The following LMBR1 variants were observed in gnomAD, a reference collection of about 807,000 sequenced individuals.
The protein encoded by LMBR1 is limb development membrane protein 1.
A neutral mutation model predicts 73.9 loss-of-function variants in LMBR1; 52 were observed. The observed-to-expected ratio is 0.70, with a 90% confidence interval of 0.56 to 0.89. The LOEUF is 0.89. LMBR1 is among the 40% of genes least tolerant of loss of function. The pLI, the probability that LMBR1 is intolerant of heterozygous loss-of-function variation, is 0.00. For synonymous variants in LMBR1, 215 were observed against 209.4 expected (o/e 1.03, Z -0.23); for missense variants, 539 against 579.8 (o/e 0.93, Z 0.72).
intron 3 of LMBR1, among the ~76,000 whole-genome samples, chr7:156,827,174 A>C (rs982659608): frequency 2.6e-5 from 4 of 152,196 alleles, no homozygotes; most frequent in African/African-American, 9.6e-5. Flanking sequence ...AAAACAAATT[A>C]ATTTAAAATG....
At chr7:156,730,885 G>C (rs1816709481) in intron 10 of LMBR1, among the ~76,000 whole-genome samples, 1 of 151,908 alleles carries the variant, frequency 6.6e-6, no homozygotes, top group Non-Finnish European at 1.5e-5. Flanking sequence ...GCAGTGGACT[G>C]AGATCAGGCC....
At chr7:156,873,963 G>A (rs572416073) in intron 1 of LMBR1, among the ~76,000 whole-genome samples, 1 of 152,388 alleles carries the variant, frequency 6.6e-6, no homozygotes, top group Non-Finnish European at 1.5e-5. Context: ...CCGCACTAGG[G>A]CTGCAGGTGG....
At chr7:156,764,592 T>C (rs1403249074) in intron 5 of LMBR1, among the ~76,000 whole-genome samples, 2 of 152,222 alleles carry the variant, frequency 1.3e-5, no homozygotes, top group African/African-American at 4.8e-5. Context: ...TGTACTGCAA[T>C]GCACTAACCT....
intron 15 of LMBR1, among the ~76,000 whole-genome samples, chr7:156,692,677 G>A (rs1807469245): frequency 6.6e-6 from 1 of 152,140 alleles, no homozygotes. Flanking sequence ...AAGAGCTGAG[G>A]AGAGCTCCAG....
chr7:156,678,401 T>C lies in LMBR1; in HGVS notation c.*5677A>G, dbSNP rs780096845. On this transcript the variant is annotated 3_prime_UTR_variant, in exon 17 of 17. Coordinates refer to ENST00000353442, the MANE Select transcript of LMBR1 (RefSeq NM_022458.4). ...CAATTTTCTTACTGAAAAGTGGCCA[T>C]GGAATGGCGCGCCCATCGAAAGCTT... The C allele has an allele frequency of 6.6e-6, 1 of 152,196 alleles. No homozygotes were observed. The highest frequency in any genetic ancestry group is 1.5e-5 in the Non-Finnish European group (1 of 68,030). The allele number at this position is 152,196 out of a possible 1,614,324, so 9.4% of individuals were successfully genotyped here.
At chr7:156,730,107 C>T (rs1816563756) in intron 10 of LMBR1, among the ~76,000 whole-genome samples, 1 of 152,196 alleles carries the variant, frequency 6.6e-6, no homozygotes. Context: ...TTTCAGCAAA[C>T]TCAACAGAGC....
chr7:156,744,583 G>A (rs150866605), intron 9 of LMBR1, among the ~76,000 whole-genome samples: 5 of 151,900 alleles, frequency 3.3e-5, no homozygotes, highest in South Asian at 2.1e-4. Flanking sequence ...TGCACTTCAC[G>A]TCTATTTTTC....
chr7:156,826,385 G>GT (rs1173685305), intron 4 of LMBR1, among the ~76,000 whole-genome samples: 4 of 152,170 alleles, frequency 2.6e-5, no homozygotes, highest in Non-Finnish European at 4.4e-5. Flanking sequence ...AAAATCATAA[G>GT]TATAAACACT....
Position 156,734,255 on chromosome 7 carries a change from G to A in LMBR1, c.760C>T (p.Leu254=), listed in dbSNP as rs1401707822. Residue 254 remains leucine (L), a splice_region_variant and synonymous_variant, in exon 10 of 17, where the codon CTG becomes TTG. Transcript: ENST00000353442. ...EEALQRRLNG[L]SSSVEYNIME... The stretch of plus-strand genomic sequence containing the variant: ...ATGTTGTATTCCACCGATGAAGACA[G>A]CCCTGTTCAAAGCAAAAAATATTTA... 6.3e-7 allele frequency: 1 copy of A among 1,595,962 alleles called. No individual in the cohort carries two copies. The highest frequency in any genetic ancestry group is 8.5e-7 in the Non-Finnish European group (1 of 1,173,644).
intron 5 of LMBR1, among the ~76,000 whole-genome samples, chr7:156,782,290 A>C (rs544091569): frequency 6.6e-6 from 1 of 152,308 alleles, no homozygotes; most frequent in East Asian, 1.9e-4. Context: ...GTGTACATGT[A>C]TGTGTTGGAG....
chr7:156,736,268 C>G (rs1019040718), intron 9 of LMBR1, among the ~76,000 whole-genome samples: 4 of 152,184 alleles, frequency 2.6e-5, no homozygotes, highest in Non-Finnish European at 4.4e-5. Context: ...ATGCTTGTAG[C>G]AAAAATGATA....
chr7:156,804,824 G>T lies in LMBR1; in HGVS notation c.320-8332C>A, dbSNP rs1831707520. On this transcript the variant is annotated intron_variant, in intron 4 of 16. Transcript: ENST00000353442. The stretch of plus-strand genomic sequence containing the variant: ...TTATTCTCTTAACAGTATCTTTAAA[G>T]AACAAAATTTATTAGAAGTCCAATT... Among the ~76,000 whole-genome samples, 2 of 147,966 alleles carry T rather than the reference G, an allele frequency of 1.4e-5. 1 individual carries two copies. Among genetic ancestry groups the T allele is most frequent in the South Asian group, 4.3e-4 (2 of 4,674 alleles).
intron 15 of LMBR1, among the ~76,000 whole-genome samples, chr7:156,707,210 G>A (rs1265399385): frequency 1.3e-5 from 2 of 152,020 alleles, no homozygotes; most frequent in Admixed American, 1.3e-4. Flanking sequence ...ACCCGAGCAG[G>A]CCAATGATGA....
intron 2 of LMBR1, among the ~76,000 whole-genome samples, chr7:156,835,438 T>C (rs1356022636): frequency 6.6e-6 from 1 of 152,230 alleles, no homozygotes; most frequent in Non-Finnish European, 1.5e-5. Flanking sequence ...CTCATGCCTA[T>C]AATCCCAGCA....
At chr7:156,767,428 T>C (rs896697659) in intron 5 of LMBR1, among the ~76,000 whole-genome samples, 2 of 152,160 alleles carry the variant, frequency 1.3e-5, no homozygotes, top group African/African-American at 4.8e-5. Flanking sequence ...TAATTTTTTA[T>C]TATCTTATAC....
intron 1 of LMBR1, among the ~76,000 whole-genome samples, chr7:156,877,528 A>T (rs1284225217): frequency 6.6e-6 from 1 of 152,202 alleles, no homozygotes; most frequent in Non-Finnish European, 1.5e-5. Context: ...ATCCAAAAAC[A>T]TATCAAAAAG....
intron 15 of LMBR1, among the ~76,000 whole-genome samples, chr7:156,709,896 A>ATTGTTTTTTTTTTTT (rs1811712262): frequency 1.1e-5 from 1 of 90,354 alleles, no homozygotes; most frequent in African/African-American, 4.8e-5. Flanking sequence ...CAGAAGGTTG[A>ATTGTTTTTTTTTTTT]TTTTTTTTTT....
At chr7:156,836,439 A>ATGC in intron 2 of LMBR1, among the ~76,000 whole-genome samples, 1 of 152,374 alleles carries the variant, frequency 6.6e-6, no homozygotes, top group African/African-American at 2.4e-5. Flanking sequence ...GACTCTAAAT[A>ATGC]TCTACTATAT....
chr7:156,890,663 T>C (rs1802745654), intron 1 of LMBR1, among the ~76,000 whole-genome samples: 1 of 152,138 alleles, frequency 6.6e-6, no homozygotes, highest in African/African-American at 2.4e-5. Context: ...CTTGCTAGAA[T>C]GACTAAAATT....
Sources: allele counts gnomAD v4.1 joint callset (sites outside exome capture counted in the v4.1 genomes callset), GRCh38; gene constraint gnomAD v4.1.1; transcripts MANE v1.5; gene names NCBI Gene and HGNC (gene_info 2026-07-23, HGNC 2026-07-21).